Variants in CATSPERB observed in about 807,000 individuals in gnomAD.
CATSPERB encodes cation channel sperm-associated auxiliary subunit beta.
CATSPERB carries 93 observed loss-of-function variants against 128.3 expected under a neutral mutation model. That is an observed-to-expected ratio of 0.72 (90% CI 0.61 to 0.86). The LOEUF (loss-of-function observed/expected upper bound fraction) is 0.86. CATSPERB is among the 40% of genes least tolerant of loss of function. CATSPERB has a pLI of 0.00. For synonymous variants in CATSPERB, 381 were observed against 448.8 expected, an observed-to-expected ratio of 0.85 and a Z score of 1.91; for missense variants, 1,153 against 1,329.5, an observed-to-expected ratio of 0.87 and a Z score of 2.06.
intron 5 of CATSPERB, 32 bp from the exon 6 acceptor site, chr14:91,708,268 A>ATT: frequency 1.5e-6 from 2 of 1,344,638 alleles, no homozygotes; most frequent in Non-Finnish European, 2.1e-6. Flanking sequence ...ATAATCAACT[A>ATT]TTTTTTCATA....
chr14:91,719,578 C>T, intron 4 of CATSPERB, 100 bp from the exon 5 acceptor site: 1 of 810,450 alleles, frequency 1.2e-6, no homozygotes, highest in South Asian at 2.0e-5. Flanking sequence ...ACAAAAACAT[C>T]CAATGCATAT....
intron 15 of CATSPERB, among the ~76,000 whole-genome samples, chr14:91,647,169 G>GT (rs1244185668): frequency 1.3e-5 from 2 of 152,174 alleles, no homozygotes; most frequent in South Asian, 2.1e-4. Context: ...TCTCAGACAG[G>GT]TTTTTTTCTC....
chr14:91,681,991 G>A (rs1490705317), intron 11 of CATSPERB, among the ~76,000 whole-genome samples: 1 of 152,234 alleles, frequency 6.6e-6, no homozygotes, highest in Non-Finnish European at 1.5e-5. Context: ...AAGTTTTGTA[G>A]TCATGAATAC....
chr14:91,640,056 G>A (rs969234695), intron 15 of CATSPERB, among the ~76,000 whole-genome samples: 5 of 151,940 alleles, frequency 3.3e-5, no homozygotes, highest in African/African-American at 1.2e-4. Flanking sequence ...TGAAGTCTAG[G>A]CTTATGTAGC....
intron 7 of CATSPERB, among the ~76,000 whole-genome samples, chr14:91,697,342 G>A (rs958459595): frequency 1.3e-5 from 2 of 151,790 alleles, no homozygotes; most frequent in Admixed American, 6.6e-5. Context: ...AAGGATGTTG[G>A]GTAGTGAAAA....
At chr14:91,607,117 A>G (rs1893725051) in intron 22 of CATSPERB, among the ~76,000 whole-genome samples, 1 of 143,024 alleles carries the variant, frequency 7.0e-6, no homozygotes, top group South Asian at 2.2e-4. Flanking sequence ...GTGTATTAAT[A>G]TGTTTCACAA....
At chr14:91,691,209 A>G (rs1413369400) in intron 10 of CATSPERB, among the ~76,000 whole-genome samples, 1 of 152,192 alleles carries the variant, frequency 6.6e-6, no homozygotes, top group Non-Finnish European at 1.5e-5. Context: ...CTTGTGCAGA[A>G]TCCAAACTGA....
chr14:91,586,571 A>AG, intron 26 of CATSPERB, among the ~76,000 whole-genome samples: 1 of 114,244 alleles, frequency 8.8e-6, no homozygotes, highest in Non-Finnish European at 1.7e-5. Flanking sequence ...GAGAGAGAGA[A>AG]AGAGAGAGAG....
chr14:91,654,654 ACCTAG>A (rs1894758662), intron 15 of CATSPERB, among the ~76,000 whole-genome samples: 1 of 152,134 alleles, frequency 6.6e-6, no homozygotes, highest in Non-Finnish European at 1.5e-5. Flanking sequence ...GCATCTCTGG[ACCTAG>A]CTGGGGCTGG....
At chr14:91,681,851 G>A (rs1895286582) in intron 11 of CATSPERB, among the ~76,000 whole-genome samples, 1 of 152,166 alleles carries the variant, frequency 6.6e-6, no homozygotes, top group Admixed American at 6.5e-5. Flanking sequence ...CTCAGGTGAA[G>A]GCTCATCCTC....
At chr14:91,691,047 G>C (rs887545845) in intron 10 of CATSPERB, among the ~76,000 whole-genome samples, 1 of 152,220 alleles carries the variant, frequency 6.6e-6, no homozygotes, top group African/African-American at 2.4e-5. Context: ...CAAAAGGCCA[G>C]AAGCAGACCA....
chr14:91,683,356 T>G (rs1053066026), intron 11 of CATSPERB, among the ~76,000 whole-genome samples: 1 of 152,234 alleles, frequency 6.6e-6, no homozygotes, highest in Non-Finnish European at 1.5e-5. Flanking sequence ...AGAAATGGAA[T>G]GGAATTTCAC....
chr14:91,597,542 T>C (rs1201896907), intron 22 of CATSPERB, among the ~76,000 whole-genome samples: 2 of 152,212 alleles, frequency 1.3e-5, no homozygotes, highest in Admixed American at 1.3e-4. Context: ...TAATCTGACA[T>C]AGGGATCCAT....
intron 19 of CATSPERB, among the ~76,000 whole-genome samples, chr14:91,620,540 A>T (rs1456329834): frequency 6.6e-6 from 1 of 152,004 alleles, no homozygotes; most frequent in Non-Finnish European, 1.5e-5. Flanking sequence ...TTATTTACTA[A>T]AATTTTTTGT....
chr14:91,680,394 C>T (rs1895260174), intron 11 of CATSPERB, among the ~76,000 whole-genome samples: 1 of 152,140 alleles, frequency 6.6e-6, no homozygotes, highest in African/African-American at 2.4e-5. Flanking sequence ...CACACAGATG[C>T]CTAAACAGCT....
At chr14:91,679,953 A>G (rs1025313250) in intron 11 of CATSPERB, among the ~76,000 whole-genome samples, 1 of 152,192 alleles carries the variant, frequency 6.6e-6, no homozygotes, top group Non-Finnish European at 1.5e-5. Context: ...CATCTAAAGA[A>G]GACGCTGACT....
chr14:91,723,075 C>A lies in CATSPERB; in HGVS notation c.283G>T (p.Gly95Cys). 1 of 1,507,290 alleles carries A rather than the reference C, an allele frequency of 6.6e-7. No individual in the cohort carries two copies. Among genetic ancestry groups the A allele is most frequent in the South Asian group, 1.4e-5 (1 of 69,830 alleles). 93.4% of individuals were successfully genotyped at this position (1,507,290 alleles called of 1,614,324 possible). The change falls in exon 4 of 27, where the codon GGC (glycine) becomes TGC (cysteine). Residue 95 changes from glycine (G) to cysteine (C), a missense_variant. Gly to Cys is a radical substitution (Grantham distance 159). Coordinates refer to ENST00000256343, the MANE Select transcript of CATSPERB (RefSeq NM_024764.4). ...AACGTTAAATTAAAGTGGAAGATGC[C>A]ATTATATGTACTATTCATGATTCCC... is the stretch of plus-strand genomic sequence containing the variant. ...SLGIMNSTYN[G>C]IFHFNLTLFS...
At chr14:91,619,030 A>G (rs1203750255) in intron 19 of CATSPERB, among the ~76,000 whole-genome samples, 1 of 152,228 alleles carries the variant, frequency 6.6e-6, no homozygotes, top group Non-Finnish European at 1.5e-5. Context: ...ATTTACTTCC[A>G]TCAAACTGAA....
intron 20 of CATSPERB, among the ~76,000 whole-genome samples, chr14:91,615,884 C>CTTTTTT (rs1491232863): frequency 9.6e-5 from 5 of 52,276 alleles, no homozygotes; most frequent in African/African-American, 1.1e-4. Context: ...ATACAGTTTT[C>CTTTTTT]CTTTTTTTTT....
Sources: allele counts gnomAD v4.1 joint callset (sites outside exome capture counted in the v4.1 genomes callset), GRCh38; gene constraint gnomAD v4.1.1; transcripts MANE v1.5; gene names NCBI Gene and HGNC (gene_info 2026-07-23, HGNC 2026-07-21).